The following MBP variants were observed in gnomAD, a reference collection of about 807,000 sequenced individuals.
The protein encoded by MBP is Golli-MBP.
A neutral mutation model predicts 35.8 loss-of-function variants in MBP; 16 were observed. The ratio of observed to expected loss-of-function variants is 0.45; its 90% confidence interval spans 0.30 to 0.68. MBP has a LOEUF of 0.68. Among genes scored for constraint, MBP ranks in the 30% least tolerant of loss-of-function variants. The pLI is 0.08. For synonymous variants in MBP, 143 were observed against 159.6 expected (o/e 0.90, Z 0.78); for missense variants, 380 against 404.7 (o/e 0.94, Z 0.52).
At chr18:76,985,733 A>C in intron 7 of MBP, 1 of 1,006,074 alleles carries the variant, frequency 9.9e-7, no homozygotes, top group Non-Finnish European at 1.2e-6. Context: ...GGGCAAGGGC[A>C]GGAACCTCTC....
Position 76,980,289 on chromosome 18 carries a change from C to T in MBP, c.*138G>A. On this transcript the variant is annotated 3_prime_UTR_variant, in exon 9 of 9. Transcript: ENST00000355994. ...TTGCCGGTAGGCTGCCGTGGCCTGA[C>T]CCTACTACGTGCACAACTCCGCAGG... is the stretch of plus-strand genomic sequence containing the variant. 1.2e-6 allele frequency: 1 copy of T among 833,150 alleles called. No homozygotes were observed. Among genetic ancestry groups the T allele is most frequent in the Non-Finnish European group, 2.1e-6 (1 of 471,720 alleles). 51.6% of individuals were successfully genotyped at this position (833,150 alleles called of 1,614,324 possible). A position where few individuals can be genotyped will look rare whatever the true frequency, so the allele number is the denominator to read the frequency against.
chr18:77,000,002 G>A (rs1970544992), intron 4 of MBP, among the ~76,000 whole-genome samples: 1 of 152,178 alleles, frequency 6.6e-6, no homozygotes, highest in Admixed American at 6.5e-5. Flanking sequence ...ACCTTGTGAT[G>A]TAGACTCAGA....
At chr18:77,066,430 T>C (rs1481853847) in intron 2 of MBP, 45 bp from the exon 3 acceptor site, 1 of 1,232,980 alleles carries the variant, frequency 8.1e-7, no homozygotes, top group Non-Finnish European at 1.2e-6. Context: ...AGATAAATTG[T>C]TTTATCAACA....
intron 4 of MBP, among the ~76,000 whole-genome samples, chr18:77,001,175 A>G (rs1282027308): frequency 6.8e-6 from 1 of 146,498 alleles, no homozygotes; most frequent in Non-Finnish European, 1.5e-5. Context: ...CCCGGTTCCC[A>G]CTCATAGGGT....
At chr18:77,116,143 T>C (rs1976652567) in intron 1 of MBP, among the ~76,000 whole-genome samples, 1 of 150,062 alleles carries the variant, frequency 6.7e-6, no homozygotes, top group Non-Finnish European at 1.5e-5. Context: ...GGGCCCCACA[T>C]CTTCACATGA....
At chr18:77,120,582 G>T (rs1270485346) in intron 1 of MBP, among the ~76,000 whole-genome samples, 1 of 152,220 alleles carries the variant, frequency 6.6e-6, no homozygotes, top group Non-Finnish European at 1.5e-5. Context: ...CTTTCTCTGG[G>T]CCTCCAGACT....
chr18:77,090,192 C>G (rs1192024654), intron 2 of MBP, among the ~76,000 whole-genome samples: 1 of 152,206 alleles, frequency 6.6e-6, no homozygotes, highest in African/African-American at 2.4e-5. Flanking sequence ...TAATGTCTAG[C>G]CCCCGTTGCC....
chr18:77,015,447 A>C (rs907781333), intron 4 of MBP: 9 of 985,364 alleles, frequency 9.1e-6, no homozygotes. Flanking sequence ...TTAGCATTAG[A>C]AATCGGTTAG....
chr18:77,060,212 G>A (rs955876799), intron 3 of MBP, among the ~76,000 whole-genome samples: 1 of 152,084 alleles, frequency 6.6e-6, no homozygotes, highest in East Asian at 1.9e-4. Flanking sequence ...TATATGGCAC[G>A]GCACATTGGA....
intron 2 of MBP, among the ~76,000 whole-genome samples, chr18:77,098,548 A>C (rs1045311250): frequency 6.6e-6 from 1 of 152,248 alleles, no homozygotes; most frequent in African/African-American, 2.4e-5. Flanking sequence ...ATTTGGAAAG[A>C]GCACGATCGA....
chr18:76,986,059 TGG>T (rs1321184680), intron 7 of MBP: 2 of 985,562 alleles, frequency 2.0e-6, no homozygotes, highest in Non-Finnish European at 2.4e-6. Context: ...GAGCTCGCTG[TGG>T]GAGTCTGGGC....
upstream of MBP, among the ~76,000 whole-genome samples, chr18:77,133,242 G>C (rs532077665): frequency 1.3e-5 from 2 of 152,328 alleles, no homozygotes; most frequent in South Asian, 2.1e-4. Flanking sequence ...GGCGAAAGGA[G>C]CCGGCAGGTC....
At chr18:77,083,499 A>G (rs977621491) in intron 2 of MBP, among the ~76,000 whole-genome samples, 1 of 152,246 alleles carries the variant, frequency 6.6e-6, no homozygotes, top group Admixed American at 6.5e-5. Flanking sequence ...ACACAGGAGA[A>G]ATAAAAACGT....
intron 4 of MBP, chr18:77,014,263 C>T: frequency 1.0e-6 from 1 of 985,464 alleles, no homozygotes; most frequent in Non-Finnish European, 1.2e-6. Flanking sequence ...GCGGCCGCTC[C>T]AACATGTGGT....
chr18:77,086,967 A>T (rs1409260725), intron 2 of MBP, among the ~76,000 whole-genome samples: 2 of 152,238 alleles, frequency 1.3e-5, no homozygotes, highest in South Asian at 2.1e-4. Context: ...AAAGACTAAA[A>T]TTGCCACGGA....
intron 3 of MBP, among the ~76,000 whole-genome samples, chr18:77,035,779 T>C (rs556421143): frequency 6.6e-6 from 1 of 152,348 alleles, no homozygotes; most frequent in South Asian, 2.1e-4. Context: ...GGTCATCATA[T>C]TGAGGGAGGG....
At chr18:76,995,581 G>A (rs1399158566) in intron 4 of MBP, among the ~76,000 whole-genome samples, 1 of 151,484 alleles carries the variant, frequency 6.6e-6, no homozygotes, top group East Asian at 2.0e-4. Context: ...GGAAAACACT[G>A]TCTTCTCAAC....
intron 3 of MBP, among the ~76,000 whole-genome samples, chr18:77,057,535 A>T (rs879286335): frequency 2.6e-5 from 4 of 152,196 alleles, no homozygotes; most frequent in Non-Finnish European, 5.9e-5. Context: ...TGCAGTGATT[A>T]TCTCTAAGGA....
intron 4 of MBP, among the ~76,000 whole-genome samples, chr18:77,010,982 T>G (rs551272469): frequency 5.9e-5 from 9 of 152,288 alleles, no homozygotes; most frequent in Non-Finnish European, 8.8e-5. Context: ...GCAGATGAAA[T>G]GGATTCTTTT....
Sources: gnomAD v4.1 joint callset for allele counts (sites outside exome capture counted in the v4.1 genomes callset) on GRCh38, gnomAD v4.1.1 for gene constraint, MANE v1.5 for transcripts, NCBI Gene and HGNC (gene_info 2026-07-23, HGNC 2026-07-21) for gene names.